The following SULT1C3 variants were observed in gnomAD, a reference collection of about 807,000 sequenced individuals.
SULT1C3 encodes sulfotransferase 1C3.
A neutral mutation model predicts 28.4 loss-of-function variants in SULT1C3; 31 were observed. The observed-to-expected ratio is 1.09, with a 90% CI of 0.82 to 1.47. The LOEUF (loss-of-function observed/expected upper bound fraction) is 1.47. Among genes scored for constraint, SULT1C3 ranks in the 40% most tolerant of loss-of-function variants. The pLI is 0.00. For missense variants in SULT1C3, 307 were observed against 272.5 expected (o/e 1.13, Z -0.89); for synonymous variants, 106 against 92.2 (o/e 1.15, Z -0.86).
chr2:108,247,124 A>C, intron 1 of SULT1C3, 64 bp from the exon 2 acceptor site: 13 of 1,268,746 alleles, frequency 1.0e-5, no homozygotes, highest in Non-Finnish European at 1.1e-5. Flanking sequence ...ATGATAACCC[A>C]TACTATGAAC....
rs1265442871 is a variant in SULT1C3 at position 108,252,502 on chromosome 2, T to C, written c.301+9T>C. The C allele has an allele frequency of 3.7e-6, 6 of 1,611,182 alleles. No individual in the cohort carries two copies. Among genetic ancestry groups the C allele is most frequent in the African/African-American group, 1.3e-5 (1 of 74,680 alleles). ...CCATAAAGAAAAACCAGGTGAGTAA[T>C]ATGCACGAAGATAGAAAGGACTTTC... On this transcript the variant is annotated intron_variant, in intron 3 of 7. Coordinates refer to ENST00000681802, the MANE Select transcript of SULT1C3 (RefSeq NM_001320878.2).
At chr2:108,259,285 G>A (rs990412618) in intron 7 of SULT1C3, 139 bp downstream of exon 7, 5 of 195,726 alleles carry the variant, frequency 2.6e-5, no homozygotes, top group Non-Finnish European at 5.4e-5. Context: ...CACCCTGCCT[G>A]TTTGCAGACA....
intron 1 of SULT1C3, among the ~76,000 whole-genome samples, chr2:108,245,182 A>T (rs13398171): frequency 0.061 from 9,274 of 152,182 alleles, 308 homozygotes; most frequent in African/African-American, 0.071. Context: ...TGCAGACATG[A>T]CCCTATAAGT....
intron 4 of SULT1C3, among the ~76,000 whole-genome samples, chr2:108,254,860 T>A (rs1675832324): frequency 6.6e-6 from 1 of 151,552 alleles, no homozygotes; most frequent in African/African-American, 2.4e-5. Flanking sequence ...TATAGCAAAA[T>A]CACTCAAATC....
chr2:108,241,457 C>G (rs1414764932), intron 1 of SULT1C3, among the ~76,000 whole-genome samples: 1 of 152,204 alleles, frequency 6.6e-6, no homozygotes. Flanking sequence ...AATAAGTTTA[C>G]TTGATGATAC....
intron 1 of SULT1C3, among the ~76,000 whole-genome samples, chr2:108,241,346 C>G (rs1031192595): frequency 7.2e-5 from 11 of 152,224 alleles, no homozygotes; most frequent in Non-Finnish European, 1.5e-5. Context: ...CATAGATAGT[C>G]TCCTAATTCT....
At chr2:108,254,176 C>T (rs987339816) in intron 4 of SULT1C3, among the ~76,000 whole-genome samples, 2 of 152,020 alleles carry the variant, frequency 1.3e-5, no homozygotes, top group Non-Finnish European at 2.9e-5. Flanking sequence ...TATATGACTT[C>T]CATGCCCTTG....
Position 108,259,083 on chromosome 2 carries a change from G to A in SULT1C3, c.739G>A (p.Ala247Thr). The change falls in exon 7 of 8, where the codon GCC becomes ACC. Residue 247 changes from alanine to threonine, a missense_variant. Physicochemically the swap from Ala to Thr is moderately conservative, Grantham distance 58. Transcript: ENST00000681802. ...SFDVMKDNPMANHTAVPAHIF... is the reference protein window; with the variant it reads ...SFDVMKDNPMTNHTAVPAHIF... ...TGATGTAATGAAGGATAATCCCATG[G>A]CCAACCATACTGCGGTACCTGCTCA... The A allele has an allele frequency of 1.6e-6, 1 of 627,638 alleles. No homozygotes were observed. Among genetic ancestry groups the A allele is most frequent in the East Asian group, 3.3e-5 (1 of 30,388 alleles). The allele number at this position is 627,638 out of a possible 1,614,324, so 38.9% of individuals were successfully genotyped here. A position where few individuals can be genotyped will look rare whatever the true frequency, so the allele number is the denominator to read the frequency against.
Position 108,259,000 on chromosome 2 carries a change from T to A in SULT1C3, c.656T>A (p.Phe219Tyr), listed in dbSNP as rs183605129. 1.8e-5 allele frequency: 12 copies of A among 673,668 alleles called. No individual in the cohort carries two copies. The African/African-American group carries it at 2.0e-4, about 11-fold the overall frequency. 41.7% of individuals were successfully genotyped at this position (673,668 alleles called of 1,614,324 possible). A position where few individuals can be genotyped will look rare whatever the true frequency, so the allele number is the denominator to read the frequency against. Residue 219 changes from phenylalanine to tyrosine, a missense_variant, in exon 7 of 8, where the codon TTC becomes TAC. Physicochemically the swap from Phe to Tyr is conservative, Grantham distance 22. Coordinates refer to ENST00000681802, the MANE Select transcript of SULT1C3 (RefSeq NM_001320878.2). ...CATGAGATCCACAAGGTGTTGGAAT[T>A]CTTGGAGAAAACTTGGTCAGGTGAT... ...PKHEIHKVLE[F>Y]LEKTWSGDVI...
chr2:108,256,856 T>A (rs1326687108), intron 5 of SULT1C3, among the ~76,000 whole-genome samples: 1 of 152,012 alleles, frequency 6.6e-6, no homozygotes, highest in Non-Finnish European at 1.5e-5. Flanking sequence ...TAAAAAGGAC[T>A]GACAGATGGA....
chr2:108,241,444 A>G (rs1481371989), intron 1 of SULT1C3, among the ~76,000 whole-genome samples: 1 of 152,256 alleles, frequency 6.6e-6, no homozygotes, highest in African/African-American at 2.4e-5. Flanking sequence ...ATAAATAGTT[A>G]AAAATAAGTT....
chr2:108,252,535 G>A, intron 3 of SULT1C3, 42 bp downstream of exon 3: 1 of 1,607,744 alleles, frequency 6.2e-7, no homozygotes, highest in Non-Finnish European at 8.5e-7. Flanking sequence ...TTCACTTCAG[G>A]ATTCCAGAGC....
At chr2:108,249,984 G>A (rs1441379439) in intron 2 of SULT1C3, among the ~76,000 whole-genome samples, 1 of 151,958 alleles carries the variant, frequency 6.6e-6, no homozygotes, top group Non-Finnish European at 1.5e-5. Context: ...TGGAAGTATA[G>A]ATAGGAGAAT....
chr2:108,263,981 A>G (rs1185552492), downstream of SULT1C3, among the ~76,000 whole-genome samples: 1 of 152,222 alleles, frequency 6.6e-6, no homozygotes, highest in African/African-American at 2.4e-5. Flanking sequence ...AGATCATTGT[A>G]AAGATTTACA....
downstream of SULT1C3, among the ~76,000 whole-genome samples, chr2:108,262,023 C>T (rs1676037088): frequency 6.6e-6 from 1 of 152,102 alleles, no homozygotes; most frequent in South Asian, 2.1e-4. Context: ...GAAAGTTCCC[C>T]ATCAGGCATT....
chr2:108,259,115 C>A lies in SULT1C3; in HGVS notation c.771C>A (p.Phe257Leu). 2 of 483,472 alleles carry A rather than the reference C, an allele frequency of 4.1e-6. No individual in the cohort carries two copies. The highest frequency in any genetic ancestry group is 7.6e-6 in the Non-Finnish European group (2 of 262,684). The allele number at this position is 483,472 out of a possible 1,614,324, so 29.9% of individuals were successfully genotyped here. ...ATACTGCGGTACCTGCTCACATATT[C>A]AATCACTCCATCTCAAAATTTATGA... The part of the protein sequence containing the change: ...ANHTAVPAHI[F>L]NHSISKFMRK... Residue 257 changes from phenylalanine to leucine, a missense_variant, in exon 7 of 8, where the codon TTC (phenylalanine) becomes TTA (leucine). Coordinates refer to ENST00000681802, the MANE Select transcript of SULT1C3 (RefSeq NM_001320878.2).
At chr2:108,242,488 T>C (rs951265456) in intron 1 of SULT1C3, among the ~76,000 whole-genome samples, 1 of 152,154 alleles carries the variant, frequency 6.6e-6, no homozygotes, top group African/African-American at 2.4e-5. Context: ...AGAAGTCTTA[T>C]TTTTTAGTGG....
chr2:108,262,980 C>A (rs935128558), downstream of SULT1C3, among the ~76,000 whole-genome samples: 1 of 152,154 alleles, frequency 6.6e-6, no homozygotes, highest in African/African-American at 2.4e-5. Flanking sequence ...AGTGTGCATG[C>A]CTTCTAAAGA....
At chr2:108,249,668 TA>T (rs1675680657) in intron 2 of SULT1C3, among the ~76,000 whole-genome samples, 1 of 152,098 alleles carries the variant, frequency 6.6e-6, no homozygotes, top group African/African-American at 2.4e-5. Context: ...AAAGGATCAA[TA>T]TTTTTAAGAT....
Sources: allele counts gnomAD v4.1 joint callset (sites outside exome capture counted in the v4.1 genomes callset), GRCh38; gene constraint gnomAD v4.1.1; transcripts MANE v1.5; gene names NCBI Gene and HGNC (gene_info 2026-07-23, HGNC 2026-07-21).